Variants in DLG2 observed in about 807,000 individuals in gnomAD.
The protein encoded by DLG2 is discs large MAGUK scaffold protein 2.
A neutral mutation model predicts 132.5 loss-of-function variants in DLG2; 45 were observed. The ratio of observed to expected loss-of-function variants is 0.34; its 90% CI spans 0.27 to 0.44. DLG2 has a LOEUF of 0.44. DLG2 is among the 20% of genes least tolerant of loss of function. DLG2 has a pLI of 1.00. For synonymous variants in DLG2, 424 were observed against 419.6 expected (o/e 1.01, Z -0.13); for missense variants, 1,045 against 1,196.9 (o/e 0.87, Z 1.87).
At chr11:84,588,204 G>A (rs568334363) in intron 6 of DLG2, among the ~76,000 whole-genome samples, 2 of 152,192 alleles carry the variant, frequency 1.3e-5, no homozygotes, top group East Asian at 1.9e-4. Context: ...GCCAAACACT[G>A]GAGATACAGA....
At chr11:85,149,834 C>A (rs1241045266) in intron 5 of DLG2, among the ~76,000 whole-genome samples, 1 of 151,916 alleles carries the variant, frequency 6.6e-6, no homozygotes, top group Non-Finnish European at 1.5e-5. Flanking sequence ...ATATATCCTA[C>A]AACTTGAGGC....
intron 19 of DLG2, among the ~76,000 whole-genome samples, chr11:83,585,265 G>C (rs2097062285): frequency 6.6e-6 from 1 of 152,178 alleles, no homozygotes; most frequent in Non-Finnish European, 1.5e-5. Context: ...GTTAAGATCA[G>C]TTCCCCAACA....
chr11:85,369,252 C>T (rs990303474), intron 3 of DLG2, among the ~76,000 whole-genome samples: 2 of 151,978 alleles, frequency 1.3e-5, no homozygotes, highest in Admixed American at 6.5e-5. Context: ...GTGTATGGCC[C>T]AAGGGTCCCA....
At chr11:84,447,636 GT>G (rs1205480734) in intron 7 of DLG2, among the ~76,000 whole-genome samples, 1 of 151,884 alleles carries the variant, frequency 6.6e-6, no homozygotes, top group South Asian at 2.1e-4. Context: ...CTTATGAGTA[GT>G]TTTTTCTTTC....
In DLG2 at chr11:84,267,631, C is replaced by G. The variant is rs1024340055; in HGVS notation, c.520-16340G>C. ...GGGCAGGCCGTCTGATAAACTGGAACTAAGAACTGGGAGTTTTGGGGGACC... is the reference window on the plus strand; with the variant it reads ...GGGCAGGCCGTCTGATAAACTGGAAGTAAGAACTGGGAGTTTTGGGGGACC... On this transcript the variant is annotated intron_variant, in intron 7 of 27. Transcript: ENST00000376104. Among the ~76,000 whole-genome samples, 4 of 152,306 alleles carry G rather than the reference C, an allele frequency of 2.6e-5. No homozygotes were observed. In the South Asian group the frequency reaches 8.3e-4, roughly 32 times the overall value.
chr11:85,562,510 C>T (rs1197825058), intron 3 of DLG2, among the ~76,000 whole-genome samples: 2 of 151,762 alleles, frequency 1.3e-5, no homozygotes, highest in Non-Finnish European at 2.9e-5. Flanking sequence ...TTAAAAACTA[C>T]AGACTTCTGA....
At chr11:84,739,808 T>C (rs1408579567) in intron 6 of DLG2, among the ~76,000 whole-genome samples, 1 of 152,156 alleles carries the variant, frequency 6.6e-6, no homozygotes, top group Non-Finnish European at 1.5e-5. Flanking sequence ...TGCAAAACTA[T>C]CTCACCTCTA....
chr11:85,411,559 GTAAAA>G (rs1310103747), intron 3 of DLG2, among the ~76,000 whole-genome samples: 1 of 151,852 alleles, frequency 6.6e-6, no homozygotes, highest in African/African-American at 2.4e-5. Flanking sequence ...TTTCACATCT[GTAAAA>G]TATAGGTGTT....
chr11:84,856,535 C>A (rs745359460), intron 6 of DLG2, among the ~76,000 whole-genome samples: 3 of 152,122 alleles, frequency 2.0e-5, no homozygotes, highest in Non-Finnish European at 4.4e-5. Flanking sequence ...CCTAAATATA[C>A]CTTGAATATA....
At position 83,700,551 on chromosome 11, in the gene DLG2, G is replaced by C. The variant is rs972787565; in HGVS notation, c.1826-67226C>G. On this transcript the variant is annotated intron_variant, in intron 18 of 27. Coordinates refer to ENST00000376104, the MANE Select transcript of DLG2 (RefSeq NM_001142699.3). ...ATCAAAATCCAACACATACCAGATC[G>C]ATCCATGACTCTGAGAATTAGAAAT... 3.9e-5 allele frequency among the ~76,000 whole-genome samples: 6 copies of C among 152,222 alleles called. No individual in the cohort carries two copies. In the East Asian group the frequency reaches 1.2e-3, roughly 29 times the overall value.
chr11:83,774,041 C>G (rs936660213), intron 18 of DLG2, among the ~76,000 whole-genome samples: 5 of 152,202 alleles, frequency 3.3e-5, no homozygotes, highest in African/African-American at 1.2e-4. Flanking sequence ...ATTGCTCTGG[C>G]TGGAGTGGGA....
intron 8 of DLG2, among the ~76,000 whole-genome samples, chr11:84,247,212 G>A (rs1179343283): frequency 6.6e-6 from 1 of 152,144 alleles, no homozygotes; most frequent in Non-Finnish European, 1.5e-5. Flanking sequence ...TTAGGGTGCT[G>A]TTCAATATTG....
At chr11:84,323,635 G>A (rs140541499) in intron 7 of DLG2, among the ~76,000 whole-genome samples, 3 of 150,760 alleles carry the variant, frequency 2.0e-5, no homozygotes, top group African/African-American at 2.4e-5. Flanking sequence ...CATAGCAACC[G>A]TACCATTTTA....
intron 9 of DLG2, among the ~76,000 whole-genome samples, chr11:84,147,298 T>G (rs182605240): frequency 6.6e-6 from 1 of 152,154 alleles, no homozygotes; most frequent in African/African-American, 2.4e-5. Context: ...CCAGGGGTAC[T>G]ATGACTGCAT....
At chr11:85,356,829 G>T (rs922368583) in intron 3 of DLG2, among the ~76,000 whole-genome samples, 3 of 146,220 alleles carry the variant, frequency 2.1e-5, no homozygotes, top group Admixed American at 6.9e-5. Context: ...GATAGATAGA[G>T]ATGATAGACA....
chr11:85,290,540 G>A (rs1196099069), intron 3 of DLG2, among the ~76,000 whole-genome samples: 2 of 151,904 alleles, frequency 1.3e-5, no homozygotes, highest in African/African-American at 4.8e-5. Context: ...AGAAAAGTGG[G>A]GTTAAAGAGG....
Position 83,720,294 on chromosome 11 carries a change from GAAAAAAAAAAAAAAAA to G in DLG2, c.1825+66380_1825+66395del, listed in dbSNP as rs10573464. 5.1e-4 allele frequency among the ~76,000 whole-genome samples: 14 copies of G among 27,302 alleles called. No homozygotes were observed. The South Asian group carries it at 8.3e-3, about 16-fold the overall frequency. The allele number at this position is 27,302 out of a possible 152,430, so 17.9% of individuals were successfully genotyped here. ...GGTGACAGAGTGAGACTCCATCTCA[GAAAAAAAAAAAAAAAA>G]AAAAAAAAAAAAAAAAGAATGACAT... is the stretch of plus-strand genomic sequence containing the variant. On this transcript the variant is annotated intron_variant, in intron 18 of 27. Transcript: ENST00000376104.
chr11:85,058,121 A>T (rs550666558), intron 6 of DLG2, among the ~76,000 whole-genome samples: 59 of 151,618 alleles, frequency 3.9e-4, no homozygotes, highest in South Asian at 6.2e-4. Flanking sequence ...CAATATTCTC[A>T]ATTAATTCAA....
At chr11:83,485,664 C>CTGTT (rs2093453016) in intron 21 of DLG2, among the ~76,000 whole-genome samples, 1 of 152,132 alleles carries the variant, frequency 6.6e-6, no homozygotes, top group South Asian at 2.1e-4. Context: ...GAAAGGACAC[C>CTGTT]TGTTTGGATG....
Sources: gnomAD v4.1 joint callset for allele counts (sites outside exome capture counted in the v4.1 genomes callset) on GRCh38, gnomAD v4.1.1 for gene constraint, MANE v1.5 for transcripts, NCBI Gene and HGNC (gene_info 2026-07-23, HGNC 2026-07-21) for gene names.